MPHOSPH8: variants seen among roughly 807,000 people sequenced by gnomAD.
MPHOSPH8 encodes the protein M-phase phosphoprotein 8.
MPHOSPH8 carries 45 observed loss-of-function variants against 87.3 expected under a neutral mutation model. The ratio of observed to expected loss-of-function variants is 0.52; its 90% CI spans 0.41 to 0.66. The LOEUF (loss-of-function observed/expected upper bound fraction) is 0.66, where lower values mean the gene tolerates loss of function less well. Among genes scored for constraint, MPHOSPH8 ranks in the 30% least tolerant of loss-of-function variants. The pLI is 0.00. For synonymous variants in MPHOSPH8, 366 were observed against 376.9 expected, an observed-to-expected ratio of 0.97 and a Z score of 0.33; for missense variants, 883 against 1,020.2, an observed-to-expected ratio of 0.87 and a Z score of 1.83.
chr13:19,643,949 T>G, intron 2 of MPHOSPH8, among the ~76,000 whole-genome samples: 1 of 152,220 alleles, frequency 6.6e-6, no homozygotes, highest in South Asian at 2.1e-4. Flanking sequence ...TGTCCTCATT[T>G]ACTAAATCTT....
chr13:19,657,115 C>A, intron 5 of MPHOSPH8, among the ~76,000 whole-genome samples: 1 of 61,120 alleles, frequency 1.6e-5, no homozygotes, highest in Non-Finnish European at 2.9e-5. Context: ...GCACAAAACT[C>A]TGTCTCAAAA....
At chr13:19,645,670 C>T (rs996270896) in intron 2 of MPHOSPH8, among the ~76,000 whole-genome samples, 8 of 150,912 alleles carry the variant, frequency 5.3e-5, no homozygotes, top group African/African-American at 1.7e-4. Flanking sequence ...GCAGGAGAAT[C>T]GCTTGAACCC....
intron 5 of MPHOSPH8, among the ~76,000 whole-genome samples, chr13:19,654,316 C>A (rs1273984984): frequency 2.0e-5 from 3 of 152,034 alleles, no homozygotes; most frequent in Non-Finnish European, 4.4e-5. Context: ...CATCACACAC[C>A]AGGGCCTGTC....
chr13:19,654,136 A>G (rs1436133989), intron 5 of MPHOSPH8, among the ~76,000 whole-genome samples: 1 of 152,242 alleles, frequency 6.6e-6, no homozygotes, highest in Non-Finnish European at 1.5e-5. Context: ...GAGGGAAAAA[A>G]TGTTAAGGGC....
intron 5 of MPHOSPH8, among the ~76,000 whole-genome samples, chr13:19,655,928 C>T (rs1032706887): frequency 2.0e-5 from 3 of 152,150 alleles, no homozygotes; most frequent in Non-Finnish European, 4.4e-5. Flanking sequence ...GCCTGGGCAA[C>T]ATGGTGAAAC....
rs187226546 is a variant in MPHOSPH8, at chr13:19,661,953, T to C, written c.1932+115T>C. ...GTCACATGGTCACATCGCTTTTTTT[T>C]TTTTTTTAGACGGAGTCTCGCTCTG... On this transcript the variant is annotated intron_variant, in intron 8 of 13. Coordinates refer to ENST00000361479, the MANE Select transcript of MPHOSPH8 (RefSeq NM_017520.4). The C allele has an allele frequency of 1.0e-3, 1,397 of 1,357,760 alleles. 16 individuals carry two copies. Among genetic ancestry groups the C allele is most frequent in the Non-Finnish European group, 6.9e-4 (712 of 1,029,716 alleles). The allele number at this position is 1,357,760 out of a possible 1,614,324, so 84.1% of individuals were successfully genotyped here. A position where few individuals can be genotyped will look rare whatever the true frequency, so the allele number is the denominator to read the frequency against.
intron 2 of MPHOSPH8, among the ~76,000 whole-genome samples, chr13:19,642,475 A>C (rs1874349507): frequency 6.6e-6 from 1 of 152,180 alleles, no homozygotes; most frequent in Non-Finnish European, 1.5e-5. Flanking sequence ...GTTGCAGTTG[A>C]CAAACAAGAA....
chr13:19,658,034 T>C (rs962082064), intron 5 of MPHOSPH8, among the ~76,000 whole-genome samples: 2 of 152,254 alleles, frequency 1.3e-5, no homozygotes, highest in African/African-American at 2.4e-5. Context: ...ACATGTCTTA[T>C]GATTGCTAGT....
chr13:19,665,170 A>G (rs563310940), intron 9 of MPHOSPH8, among the ~76,000 whole-genome samples: 1 of 152,120 alleles, frequency 6.6e-6, no homozygotes, highest in South Asian at 2.1e-4. Context: ...GACATGTAGC[A>G]CTTATTTATT....
In MPHOSPH8 at chr13:19,642,093, C is replaced by T. The variant is rs576082683; in HGVS notation, c.214-22C>T. On this transcript the variant is annotated intron_variant, in intron 1 of 13. Coordinates refer to ENST00000361479, the MANE Select transcript of MPHOSPH8 (RefSeq NM_017520.4). ...CAAGTTAGCAATCTGCTTTATTTGC[C>T]TCCTTTTATTTTCTATAACAGGGTA... 13 of 1,310,642 alleles carry T rather than the reference C, an allele frequency of 9.9e-6. No individual in the cohort carries two copies. The South Asian group carries it at 2.2e-4, about 22-fold the overall frequency. 81.2% of individuals were successfully genotyped at this position (1,310,642 alleles called of 1,614,324 possible).
Position 19,647,117 on chromosome 13 carries a change from G to C in MPHOSPH8, c.1044G>C (p.Glu348Asp). 6.2e-7 allele frequency: 1 copy of C among 1,613,906 alleles called. No homozygotes were observed. Among genetic ancestry groups the C allele is most frequent in the Non-Finnish European group, 8.5e-7 (1 of 1,179,980 alleles). ...AEDTRENRKL[E>D]NKNAFLEKKT... Reference sequence around the variant, plus strand: ...ACACTAGAGAGAACAGGAAGCTAGAGAACAAGAACGCTTTCTTAGAGAAGA... The same window carrying C: ...ACACTAGAGAGAACAGGAAGCTAGACAACAAGAACGCTTTCTTAGAGAAGA... The change falls in exon 3 of 14, where the codon GAG (glutamate) becomes GAC (aspartate). Residue 348 changes from glutamate (E) to aspartate (D), a missense_variant. Physicochemically the swap from Glu to Asp is conservative, Grantham distance 45 (BLOSUM62 2). Around this residue, in one of 3 missense-constraint regions of MPHOSPH8, gnomAD observed 741 missense variants for 841.5 expected, o/e 0.88. Coordinates refer to ENST00000361479, the MANE Select transcript of MPHOSPH8 (RefSeq NM_017520.4).
intron 2 of MPHOSPH8, among the ~76,000 whole-genome samples, chr13:19,644,004 T>C (rs1874440761): frequency 6.6e-6 from 1 of 152,264 alleles, no homozygotes; most frequent in Admixed American, 6.5e-5. Context: ...CCCTTTCTAC[T>C]GTGAATGACA....
chr13:19,663,268 A>G (rs531460836), intron 9 of MPHOSPH8, 142 bp downstream of exon 9: 2 of 727,966 alleles, frequency 2.7e-6, no homozygotes, highest in South Asian at 3.5e-5. Context: ...CTTGCAGGGG[A>G]GAAGGAGAAG....
Position 19,646,525 on chromosome 13 carries a change from A to G in MPHOSPH8, c.452A>G (p.Lys151Arg). ...GAGACAAAAGAAGATACTTCCCCAA[A>G]GAAGAAAAAGAAAAAATTGAGGCAG... ...QSETKEDTSP[K>R]KKKKKLRQRE... is the part of the protein sequence containing the mutation. The change falls in exon 3 of 14, where the codon AAG (lysine) becomes AGG (arginine). Residue 151 changes from lysine (K) to arginine (R), a missense_variant. Around this residue, in one of 3 missense-constraint regions of MPHOSPH8, gnomAD observed 741 missense variants for 841.5 expected, o/e 0.88. Transcript: ENST00000361479. 1 of 1,573,214 alleles carries G rather than the reference A, an allele frequency of 6.4e-7. No homozygotes were observed. Among genetic ancestry groups the G allele is most frequent in the South Asian group, 1.2e-5 (1 of 82,770 alleles).
intron 9 of MPHOSPH8, among the ~76,000 whole-genome samples, chr13:19,665,002 C>A (rs1180084320): frequency 6.6e-6 from 1 of 152,050 alleles, no homozygotes; most frequent in Non-Finnish European, 1.5e-5. Flanking sequence ...CAGCACCTCC[C>A]CCACACAGCA....
chr13:19,668,557 T>C (rs1428405618), intron 11 of MPHOSPH8, 26 bp downstream of exon 11: 1 of 1,597,802 alleles, frequency 6.3e-7, no homozygotes, highest in Admixed American at 1.7e-5. Flanking sequence ...CCTTCACACT[T>C]TTCTATGTGA....
chr13:19,651,250 C>G (rs889958213), intron 5 of MPHOSPH8, among the ~76,000 whole-genome samples: 28 of 152,266 alleles, frequency 1.8e-4, no homozygotes, highest in East Asian at 1.9e-4. Context: ...ACTAGCTAGG[C>G]GGCCAGGCAC....
In MPHOSPH8 at chr13:19,661,781, G is replaced by C; in HGVS notation, c.1875G>C (p.Ala625=). 6.2e-7 allele frequency: 1 copy of C among 1,613,488 alleles called. No homozygotes were observed. Among genetic ancestry groups the C allele is most frequent in the Non-Finnish European group, 8.5e-7 (1 of 1,179,716 alleles). Residue 625 remains alanine, a synonymous_variant, in exon 8 of 14, where the codon GCG becomes GCC. Transcript: ENST00000361479. ...DLLRLLITKG[A]KVNGRQKNGT... ...TGCGACTCCTCATCACAAAAGGCGC[G>C]AAAGTGAACGGTCGGCAGAAGAACG...
intron 2 of MPHOSPH8, among the ~76,000 whole-genome samples, chr13:19,645,692 G>T (rs1395631808): frequency 2.0e-5 from 3 of 149,806 alleles, no homozygotes; most frequent in African/African-American, 7.4e-5. Flanking sequence ...GGAGGCAGGG[G>T]TTGCAGTGAG....
Sources: gnomAD v4.1 joint callset for allele counts (sites outside exome capture counted in the v4.1 genomes callset) on GRCh38, gnomAD v4.1.1 for gene constraint, gnomAD v4.1.1 regional missense constraint, MANE v1.5 for transcripts, NCBI Gene and HGNC (gene_info 2026-07-23, HGNC 2026-07-21) for gene names.